Variants in FRMD3 observed in about 807,000 individuals in gnomAD.
FRMD3 encodes the protein FERM domain containing 3.
In FRMD3, 33 loss-of-function variants were observed where a neutral mutation model predicts 70.2. The observed-to-expected ratio is 0.47, with a 90% CI of 0.36 to 0.63. FRMD3 has a LOEUF of 0.63. FRMD3 is among the 20% of genes least tolerant of loss of function. The pLI, the probability that FRMD3 is intolerant of heterozygous loss-of-function variation, is 0.00. For synonymous variants in FRMD3, 279 were observed against 255.9 expected, an observed-to-expected ratio of 1.09 and a Z score of -0.86; for missense variants, 632 against 711.4, an observed-to-expected ratio of 0.89 and a Z score of 1.27.
chr9:83,342,849 C>T (rs1350455519), intron 5 of FRMD3, among the ~76,000 whole-genome samples: 1 of 152,186 alleles, frequency 6.6e-6, no homozygotes, highest in Non-Finnish European at 1.5e-5. Flanking sequence ...GCATTTGGAA[C>T]TGAGAACATA....
intron 13 of FRMD3, among the ~76,000 whole-genome samples, chr9:83,264,745 C>A (rs1280248639): frequency 6.6e-6 from 1 of 150,440 alleles, no homozygotes; most frequent in Non-Finnish European, 1.5e-5. Flanking sequence ...CAGAAATATA[C>A]CCTTTAATAT....
chr9:83,342,498 T>C (rs1320511278), intron 5 of FRMD3, among the ~76,000 whole-genome samples: 6 of 152,174 alleles, frequency 3.9e-5, no homozygotes, highest in African/African-American at 1.4e-4. Flanking sequence ...GGTAACTTGG[T>C]AACTTATCCA....
intron 1 of FRMD3, among the ~76,000 whole-genome samples, chr9:83,419,547 ATATG>A (rs932067463): frequency 5.7e-5 from 8 of 139,780 alleles, no homozygotes; most frequent in Admixed American, 2.8e-4. Context: ...TGAGTGTGTG[ATATG>A]TGTGTGTTCA....
intron 1 of FRMD3, among the ~76,000 whole-genome samples, chr9:83,407,048 A>AGAGT (rs1488285913): frequency 6.6e-6 from 1 of 152,122 alleles, no homozygotes; most frequent in African/African-American, 2.4e-5. Context: ...TTCGCTGCAG[A>AGAGT]TCCTGCTTCT....
Position 83,367,138 on chromosome 9 carries a change from C to A in FRMD3, c.295+5775G>T, listed in dbSNP as rs147357366. On this transcript the variant is annotated intron_variant, in intron 3 of 13. Coordinates refer to ENST00000304195, the MANE Select transcript of FRMD3 (RefSeq NM_174938.6). ...GCAAAACCAAACATTCAAAAATATG[C>A]AATTCAGTTAACACTTTGTTTGAAG... is the stretch of plus-strand genomic sequence containing the variant. Among the ~76,000 whole-genome samples, 250 of 152,238 alleles carry A rather than the reference C, an allele frequency of 1.6e-3. 1 individual carries two copies. Among genetic ancestry groups the A allele is most frequent in the Admixed American group, 3.9e-3 (60 of 15,286 alleles).
chr9:83,585,051 C>T, the FRMD3 span, among the ~76,000 whole-genome samples: 1 of 152,210 alleles, frequency 6.6e-6, no homozygotes, highest in African/African-American at 2.4e-5. Context: ...AACATCACTT[C>T]TCTCATTTGG....
chr9:83,551,899 T>C, the FRMD3 span, among the ~76,000 whole-genome samples: 35 of 146,658 alleles, frequency 2.4e-4, no homozygotes, highest in South Asian at 2.7e-3. Flanking sequence ...GCCTATTTCA[T>C]TGATTTTTTT....
downstream of FRMD3, chr9:83,243,179 CG>C: frequency 6.5e-7 from 1 of 1,549,834 alleles, no homozygotes; most frequent in Non-Finnish European, 8.7e-7. Context: ...GAGCTCACCA[CG>C]GGCAGGTTCT....
chr9:83,568,959 C>G, the FRMD3 span, among the ~76,000 whole-genome samples: 18,635 of 69,070 alleles, frequency 0.27, 1,321 homozygotes, highest in South Asian at 0.36. Flanking sequence ...TAGATAGATA[C>G]ATACATACAT....
At chr9:83,584,309 C>CAA in the FRMD3 span, among the ~76,000 whole-genome samples, 3 of 151,842 alleles carry the variant, frequency 2.0e-5, no homozygotes, top group Non-Finnish European at 4.4e-5. Flanking sequence ...GACTCCATCT[C>CAA]AAAAAAATAA....
chr9:83,349,637 G>T, intron 4 of FRMD3, 42 bp downstream of exon 4: 1 of 1,395,362 alleles, frequency 7.2e-7, no homozygotes, highest in East Asian at 2.3e-5. Flanking sequence ...GATTCTGGCT[G>T]GTTAAAGGTG....
chr9:83,290,838 GAC>G, intron 12 of FRMD3, 111 bp from the exon 13 acceptor site: 2 of 1,125,768 alleles, frequency 1.8e-6, no homozygotes, highest in Non-Finnish European at 2.5e-6. Flanking sequence ...ACTACCTCCA[GAC>G]ACAGTGAATT....
At chr9:83,575,123 T>G in the FRMD3 span, among the ~76,000 whole-genome samples, 1 of 152,168 alleles carries the variant, frequency 6.6e-6, no homozygotes, top group Non-Finnish European at 1.5e-5. Context: ...TTACTCACAA[T>G]GCCTGCTCCC....
chr9:83,541,881 C>A (rs1042799295), upstream of FRMD3, among the ~76,000 whole-genome samples: 1 of 152,172 alleles, frequency 6.6e-6, no homozygotes, highest in Non-Finnish European at 1.5e-5. Context: ...AATCCCCCTA[C>A]AAATATTCCC....
chr9:83,251,284 CCTGA>C (rs1243865550), intron 13 of FRMD3, among the ~76,000 whole-genome samples: 1 of 152,120 alleles, frequency 6.6e-6, no homozygotes, highest in Non-Finnish European at 1.5e-5. Context: ...AGTAGAGTGG[CCTGA>C]CTGTTAAAAG....
chr9:83,292,265 TCTC>T (rs1834453766), intron 12 of FRMD3, among the ~76,000 whole-genome samples: 1 of 151,622 alleles, frequency 6.6e-6, no homozygotes, highest in Non-Finnish European at 1.5e-5. Context: ...TTCAAGCAAT[TCTC>T]CTGCCTCAGC....
intron 1 of FRMD3, among the ~76,000 whole-genome samples, chr9:83,441,278 C>G (rs1253364305): frequency 6.6e-6 from 1 of 152,172 alleles, no homozygotes; most frequent in Non-Finnish European, 1.5e-5. Flanking sequence ...TTCAAAATAT[C>G]ACCTTTGAAA....
the FRMD3 span, among the ~76,000 whole-genome samples, chr9:83,571,364 TA>T: frequency 1.8e-4 from 27 of 152,230 alleles, no homozygotes; most frequent in African/African-American, 5.3e-4. Context: ...CTTTTCTTTA[TA>T]AATTACGGAG....
chr9:83,401,223 G>A (rs917383622), intron 1 of FRMD3, among the ~76,000 whole-genome samples: 7 of 152,188 alleles, frequency 4.6e-5, no homozygotes, highest in Non-Finnish European at 1.0e-4. Context: ...CTTGACCAAG[G>A]TCACATGGCA....
Sources: allele counts gnomAD v4.1 joint callset (sites outside exome capture counted in the v4.1 genomes callset), GRCh38; gene constraint gnomAD v4.1.1; transcripts MANE v1.5; gene names NCBI Gene and HGNC (gene_info 2026-07-23, HGNC 2026-07-21).